The following TIAM1 variants were observed in gnomAD, a reference collection of about 807,000 sequenced individuals.
TIAM1 encodes the protein rho guanine nucleotide exchange factor TIAM1.
Under a neutral mutation model 163.5 loss-of-function variants are expected in TIAM1, and 65 were observed. That is an observed-to-expected ratio of 0.40 (90% CI 0.33 to 0.49). The LOEUF is 0.49. Ranked by LOEUF, TIAM1 falls within the 20% of genes least tolerant of loss-of-function variation. The probability of loss-of-function intolerance (pLI) is 0.77; values close to 1 mark genes in which losing one functional copy is unlikely to be tolerated. For synonymous variants in TIAM1, 833 were observed against 810.1 expected (o/e 1.03, Z -0.48); for missense variants, 1,789 against 2,044.7 (o/e 0.87, Z 2.41).
intron 6 of TIAM1, among the ~76,000 whole-genome samples, chr21:31,243,329 A>G (rs2071319768): frequency 6.6e-6 from 1 of 150,398 alleles, no homozygotes; most frequent in Non-Finnish European, 1.5e-5. Flanking sequence ...AAAAAGAATC[A>G]GTGAACTTAT....
At chr21:31,283,761 C>A (rs2073675102) in intron 2 of TIAM1, among the ~76,000 whole-genome samples, 1 of 152,036 alleles carries the variant, frequency 6.6e-6, no homozygotes, top group Admixed American at 6.6e-5. Flanking sequence ...AGGCTGGTCT[C>A]AAACTCCTGA....
At chr21:31,394,957 G>T (rs912486437) in intron 2 of TIAM1, among the ~76,000 whole-genome samples, 3 of 152,102 alleles carry the variant, frequency 2.0e-5, no homozygotes, top group Non-Finnish European at 2.9e-5. Context: ...AGTAAGTGGG[G>T]CCAGGCATGA....
At chr21:31,155,330 A>C (rs1397805646) in intron 16 of TIAM1, among the ~76,000 whole-genome samples, 1 of 152,200 alleles carries the variant, frequency 6.6e-6, no homozygotes, top group Non-Finnish European at 1.5e-5. Context: ...CAACCTCCCG[A>C]TGCCCATGCA....
At chr21:31,136,489 C>CA (rs2082626445) in intron 22 of TIAM1, among the ~76,000 whole-genome samples, 12 of 94,128 alleles carry the variant, frequency 1.3e-4, no homozygotes, top group African/African-American at 3.4e-4. Context: ...GAAATTTTAA[C>CA]GAAAAAAAAA....
At chr21:31,494,932 G>A (rs1284407385) in intron 1 of TIAM1, among the ~76,000 whole-genome samples, 1 of 152,162 alleles carries the variant, frequency 6.6e-6, no homozygotes, top group Non-Finnish European at 1.5e-5. Flanking sequence ...AGAATTAGAG[G>A]TTCTCTGAGA....
intron 2 of TIAM1, among the ~76,000 whole-genome samples, chr21:31,377,554 C>T (rs551586741): frequency 6.6e-6 from 1 of 152,270 alleles, no homozygotes; most frequent in South Asian, 2.1e-4. Context: ...GACTACATCA[C>T]GCCTCTGACA....
intron 1 of TIAM1, among the ~76,000 whole-genome samples, chr21:31,503,858 A>G (rs1170113715): frequency 6.9e-6 from 1 of 144,830 alleles, no homozygotes; most frequent in African/African-American, 2.5e-5. Context: ...ATTTATGTTT[A>G]AAAAAAAAAA....
At chr21:31,128,776 C>A (rs1202995648) in intron 25 of TIAM1, among the ~76,000 whole-genome samples, 1 of 152,210 alleles carries the variant, frequency 6.6e-6, no homozygotes, top group Non-Finnish European at 1.5e-5. Context: ...ATTTGCCCTA[C>A]ATGGTTTTTG....
rs572356384 is a variant in TIAM1, at chr21:31,507,179, ATTTTTTTTTTTTTTTTTTTTTTTTT to A, written c.-421-43169_-421-43145del. Among the ~76,000 whole-genome samples, 7 of 44,540 alleles carry A rather than the reference ATTTTTTTTTTTTTTTTTTTTTTTTT, an allele frequency of 1.6e-4. No homozygotes were observed. The East Asian group carries it at 2.7e-3, about 17-fold the overall frequency. The allele number at this position is 44,540 out of a possible 152,430, so 29.2% of individuals were successfully genotyped here. A position where few individuals can be genotyped will look rare whatever the true frequency, so the allele number is the denominator to read the frequency against. On this transcript the variant is annotated intron_variant, in intron 1 of 28. Transcript: ENST00000286827. Reference sequence around the variant, plus strand: ...TTTTTGAGGTGCATGCACCTTTTTAATTTTTTTTTTTTTTTTTTTTTTTTTTTTTTTTTTTTTTTTTTTTGAGACA... The same window carrying A: ...TTTTTGAGGTGCATGCACCTTTTTAATTTTTTTTTTTTTTTTTTTGAGACA...
intron 1 of TIAM1, among the ~76,000 whole-genome samples, chr21:31,507,880 GTC>G (rs1234774696): frequency 1.3e-5 from 2 of 152,200 alleles, no homozygotes; most frequent in Non-Finnish European, 2.9e-5. Flanking sequence ...ATATGCTGAA[GTC>G]CTACCTGTCC....
At chr21:31,194,115 A>G (rs2085718782) in intron 13 of TIAM1, among the ~76,000 whole-genome samples, 1 of 149,138 alleles carries the variant, frequency 6.7e-6, no homozygotes, top group Non-Finnish European at 1.5e-5. Context: ...TGCAGGAGAG[A>G]GAGCTATTCT....
chr21:31,262,404 G>A (rs2072528784), intron 4 of TIAM1, among the ~76,000 whole-genome samples: 1 of 152,186 alleles, frequency 6.6e-6, no homozygotes, highest in Non-Finnish European at 1.5e-5. Context: ...TAAATCTAAG[G>A]AGTAACCTAT....
In TIAM1 at chr21:31,225,845, T is replaced by C. The variant is rs769279737; in HGVS notation, c.1690A>G (p.Lys564Glu). The C allele has an allele frequency of 6.2e-7, 1 of 1,614,216 alleles. No homozygotes were observed. Among genetic ancestry groups the C allele is most frequent in the Admixed American group, 1.7e-5 (1 of 60,022 alleles). The change falls in exon 7 of 28, where the codon AAA (lysine) becomes GAA (glutamate). Residue 564 changes from lysine to glutamate, a missense_variant. By Grantham distance (56) the Lys-to-Glu change is moderately conservative. Coordinates refer to ENST00000541036, the MANE Select transcript of TIAM1 (RefSeq NM_001353694.2). ...TGTTCCAGTTTTTTGATCTCTGATT[T>C]CAGGAGTCGGAGCGTGTCTTCCTTG... ...HHKEDTLRLL[K>E]SEIKKLEQKI...
chr21:31,264,847 C>T lies in TIAM1; in HGVS notation c.963+1163G>A, dbSNP rs76965341. 2.6e-3 allele frequency among the ~76,000 whole-genome samples: 390 copies of T among 152,276 alleles called. 1 individual carries two copies. The highest frequency in any genetic ancestry group is 7.7e-3 in the African/African-American group (318 of 41,538). ...CTGCTGGTCAACCTTGAGGCTGCTC[C>T]GCCATTCAAGGCAAACGGACCCAGT... On this transcript the variant is annotated intron_variant, in intron 4 of 27. Transcript: ENST00000541036.
At chr21:31,399,903 C>T (rs184555326) in intron 2 of TIAM1, among the ~76,000 whole-genome samples, 151 of 152,204 alleles carry the variant, frequency 9.9e-4, no homozygotes, top group Admixed American at 2.0e-3. Context: ...GGAAAACAGA[C>T]CTTTTTCAGA....
rs201325790 is a variant in TIAM1, at chr21:31,252,151, A to G, written c.1002T>C (p.Ser334=). The G allele has an allele frequency of 6.2e-7, 1 of 1,610,134 alleles. No homozygotes were observed. Among genetic ancestry groups the G allele is most frequent in the Admixed American group, 1.7e-5 (1 of 60,016 alleles). The change falls in exon 5 of 28, where the codon AGT becomes AGC. Residue 334 remains serine, a synonymous_variant. Coordinates refer to ENST00000541036, the MANE Select transcript of TIAM1 (RefSeq NM_001353694.2). ...NAGEGSEFAD[S]GIEGATTDTD... ...TGTCGGTAGTGGCCCCTTCAATCCC[A>G]CTGTCTGCAAACTCACTGCCCTCGC...
intron 1 of TIAM1, among the ~76,000 whole-genome samples, chr21:31,484,617 T>C (rs2046214182): frequency 6.6e-6 from 1 of 152,158 alleles, no homozygotes; most frequent in African/African-American, 2.4e-5. Flanking sequence ...GCCCAGCTAT[T>C]AAAGCAGGCC....
chr21:31,152,026 T>A (rs1378427241), intron 19 of TIAM1, among the ~76,000 whole-genome samples: 2 of 22,620 alleles, frequency 8.8e-5, no homozygotes, highest in Non-Finnish European at 1.6e-4. Flanking sequence ...AGTGCCTTTT[T>A]TTTTTTTTTT....
chr21:31,307,599 G>A (rs960154519), intron 2 of TIAM1, among the ~76,000 whole-genome samples: 2 of 152,154 alleles, frequency 1.3e-5, no homozygotes. Context: ...TGGAAATTGG[G>A]GAGGTGGGTG....
Sources: allele counts gnomAD v4.1 joint callset (sites outside exome capture counted in the v4.1 genomes callset), GRCh38; gene constraint gnomAD v4.1.1; transcripts MANE v1.5; gene names NCBI Gene and HGNC (gene_info 2026-07-23, HGNC 2026-07-21).